Variants in LRRK2 observed in about 807,000 individuals in gnomAD.
The protein encoded by LRRK2 is leucine-rich repeat serine/threonine-protein kinase 2.
LRRK2 carries 203 observed loss-of-function variants against 302.6 expected under a neutral mutation model. The observed-to-expected ratio is 0.67, with a 90% confidence interval of 0.60 to 0.75. LRRK2 has a LOEUF of 0.75. Among genes scored for constraint, LRRK2 ranks in the 30% least tolerant of loss-of-function variants. The pLI is 0.00. For synonymous variants in LRRK2, 1,066 were observed against 1,031.9 expected, an observed-to-expected ratio of 1.03 and a Z score of -0.63; for missense variants, 2,830 against 2,951.0, an observed-to-expected ratio of 0.96 and a Z score of 0.95.
rs774734369 is a variant in LRRK2, at chr12:40,263,841, G to T, written c.1596G>T (p.Met532Ile). 2 of 1,613,022 alleles carry T rather than the reference G, an allele frequency of 1.2e-6. No homozygotes were observed. Among genetic ancestry groups the T allele is most frequent in the African/African-American group, 1.3e-5 (1 of 75,008 alleles). Residue 532 changes from methionine to isoleucine, a missense_variant, in exon 14 of 51, where the codon ATG becomes ATT. Around this residue, in one of 3 missense-constraint regions of LRRK2, gnomAD observed 2,121 missense variants for 2,148.0 expected, o/e 0.99. Transcript: ENST00000298910. ...EDTEFHHKLNMVKKQCFKNDI... is the reference protein window; with the variant it reads ...EDTEFHHKLNIVKKQCFKNDI... ...CAGAATTTCATCATAAGCTAAATAT[G>T]GTTAAAAAACAGTGTTTCAAGAATG... is the stretch of plus-strand genomic sequence containing the variant.
chr12:40,242,888 C>T (rs889172376), intron 6 of LRRK2, among the ~76,000 whole-genome samples: 7 of 138,702 alleles, frequency 5.0e-5, no homozygotes, highest in East Asian at 2.1e-4. Context: ...TCCAGGATGA[C>T]GATGATGATG....
rs1316993020 is a variant in LRRK2, at chr12:40,322,474, A to G, written c.5473A>G (p.Ile1825Val). 3 of 1,613,384 alleles carry G rather than the reference A, an allele frequency of 1.9e-6. No individual in the cohort carries two copies. Among genetic ancestry groups the G allele is most frequent in the South Asian group, 1.1e-5 (1 of 91,060 alleles). The change falls in exon 37 of 51, where the codon ATC becomes GTC. Residue 1825 changes from isoleucine to valine, a missense_variant. Ile to Val is a conservative substitution (Grantham distance 29). Around this residue, in one of 3 missense-constraint regions of LRRK2, gnomAD observed 2,121 missense variants for 2,148.0 expected, o/e 0.99. Coordinates refer to ENST00000298910, the MANE Select transcript of LRRK2 (RefSeq NM_198578.4). ...TAATGATGGTGAAGAACATCAAAAA[A>G]TCTTACTTGATGACTTGATGAAGAA... is the stretch of plus-strand genomic sequence containing the variant. ...SFNDGEEHQK[I>V]LLDDLMKKAE...
At chr12:40,321,255 GA>G in intron 35 of LRRK2, 67 bp downstream of exon 35, 3 of 1,436,054 alleles carry the variant, frequency 2.1e-6, no homozygotes, top group Non-Finnish European at 2.9e-6. Context: ...AATTTTTAGA[GA>G]AATTAGGGAG....
intron 14 of LRRK2, among the ~76,000 whole-genome samples, chr12:40,272,991 G>A (rs1300242179): frequency 6.6e-6 from 1 of 151,116 alleles, no homozygotes; most frequent in Non-Finnish European, 1.5e-5. Flanking sequence ...ACAGCGCTTA[G>A]CCCAAGGCCT....
In LRRK2 at chr12:40,312,321, G is replaced by A. The variant is rs7301966; in HGVS notation, c.4537-1651G>A. Reference sequence around the variant, plus strand: ...GAAAGAAAAGTATATATTGCTAATGGATGCAGCATTCTGGCATAATGGTTT... The same window carrying A: ...GAAAGAAAAGTATATATTGCTAATGAATGCAGCATTCTGGCATAATGGTTT... On this transcript the variant is annotated intron_variant, in intron 31 of 50. Transcript: ENST00000298910. Among the ~76,000 whole-genome samples, 258 of 152,258 alleles carry A rather than the reference G, an allele frequency of 1.7e-3. 2 individuals carry two copies. The highest frequency in any genetic ancestry group is 5.8e-3 in the African/African-American group (243 of 41,562).
At position 40,334,951 on chromosome 12, in the gene LRRK2, T is replaced by C; in HGVS notation, c.5758-16T>C. The C allele has an allele frequency of 1.2e-6, 2 of 1,613,278 alleles. No homozygotes were observed. Among genetic ancestry groups the C allele is most frequent in the Non-Finnish European group, 1.7e-6 (2 of 1,179,860 alleles). On this transcript the variant is annotated splice_polypyrimidine_tract_variant and intron_variant, in intron 39 of 50. Transcript: ENST00000298910. Reference sequence around the variant, plus strand: ...CTGATGTTGAATTACTCTTACATGATTTTGGACTTTTGCAGGAGCTTGTGG... The same window carrying C: ...CTGATGTTGAATTACTCTTACATGACTTTGGACTTTTGCAGGAGCTTGTGG...
chr12:40,334,204 A>G (rs1462877742), intron 39 of LRRK2, among the ~76,000 whole-genome samples: 1 of 152,226 alleles, frequency 6.6e-6, no homozygotes, highest in African/African-American at 2.4e-5. Flanking sequence ...ACTGTGGCTA[A>G]CCAGAATTCA....
chr12:40,320,205 A>G lies in LRRK2; in HGVS notation c.5015+30A>G, dbSNP rs199788990. The G allele has an allele frequency of 5.2e-6, 8 of 1,550,900 alleles. No homozygotes were observed. In the East Asian group the frequency reaches 1.1e-4, roughly 22 times the overall value. On this transcript the variant is annotated intron_variant, in intron 34 of 50. Transcript: ENST00000298910. The stretch of plus-strand genomic sequence containing the variant: ...AGAAAACCTTAAAAAATTAATTGCT[A>G]CATGGAAATTCACTATCTATTCTTT...
chr12:40,282,630 C>T (rs1487854729), intron 18 of LRRK2, among the ~76,000 whole-genome samples: 1 of 152,058 alleles, frequency 6.6e-6, no homozygotes, highest in African/African-American at 2.4e-5. Context: ...GGAGCAGCAG[C>T]GTTTTAGAAG....
intron 46 of LRRK2, among the ~76,000 whole-genome samples, chr12:40,358,006 A>G (rs541370853): frequency 6.6e-6 from 1 of 152,042 alleles, no homozygotes; most frequent in Admixed American, 6.5e-5. Flanking sequence ...GGGCTCAAGC[A>G]ATCCTCCTGC....
chr12:40,330,378 G>A (rs1348881445), intron 39 of LRRK2, among the ~76,000 whole-genome samples: 1 of 152,074 alleles, frequency 6.6e-6, no homozygotes, highest in Non-Finnish European at 1.5e-5. Context: ...TGTTGCTAAT[G>A]AAAAGTCTGC....
intron 48 of LRRK2, among the ~76,000 whole-genome samples, chr12:40,364,489 G>A (rs10878434): frequency 0.22 from 33,511 of 151,170 alleles, 3,795 homozygotes; most frequent in Middle Eastern, 0.37. Context: ...GTAACATTGA[G>A]ACTTCATGTA....
At chr12:40,240,245 T>C (rs1337355800) in intron 5 of LRRK2, among the ~76,000 whole-genome samples, 1 of 152,170 alleles carries the variant, frequency 6.6e-6, no homozygotes, top group African/African-American at 2.4e-5. Flanking sequence ...ACTAGCACTT[T>C]TACATTTCAA....
chr12:40,342,630 C>T (rs192421526), intron 41 of LRRK2, among the ~76,000 whole-genome samples: 1 of 152,294 alleles, frequency 6.6e-6, no homozygotes, highest in Admixed American at 6.5e-5. Context: ...GCTACTACTA[C>T]TACCATCACC....
At chr12:40,316,953 G>A (rs536218085) in intron 33 of LRRK2, among the ~76,000 whole-genome samples, 12 of 151,970 alleles carry the variant, frequency 7.9e-5, no homozygotes, top group Non-Finnish European at 1.6e-4. Context: ...TCTCTAAAGT[G>A]GTGTGTTTCC....
intron 14 of LRRK2, among the ~76,000 whole-genome samples, chr12:40,268,288 C>A (rs1393659251): frequency 2.0e-5 from 3 of 152,132 alleles, no homozygotes; most frequent in Admixed American, 2.0e-4. Context: ...TAAAACCAGT[C>A]TTCTGATGAA....
chr12:40,249,893 C>T lies in LRRK2; in HGVS notation c.906C>T (p.Tyr302=). 6.2e-7 allele frequency: 1 copy of T among 1,613,824 alleles called. No homozygotes were observed. The highest frequency in any genetic ancestry group is 8.5e-7 in the Non-Finnish European group (1 of 1,179,834). The change falls in exon 8 of 51, where the codon TAC becomes TAT. Residue 302 remains tyrosine, a synonymous_variant. Coordinates refer to ENST00000298910, the MANE Select transcript of LRRK2 (RefSeq NM_198578.4). The stretch of plus-strand genomic sequence containing the variant: ...TTGTGGTGAAAGCTGTGCAGCAGTA[C>T]CCAGAGAATGCAGCATTGCAGATCT... ...HEFVVKAVQQ[Y]PENAALQISA... is the part of the protein sequence containing the mutation.
chr12:40,319,396 G>A (rs776082055), intron 33 of LRRK2, among the ~76,000 whole-genome samples: 24 of 151,988 alleles, frequency 1.6e-4, no homozygotes, highest in Non-Finnish European at 2.1e-4. Flanking sequence ...AAAGCTCAAA[G>A]TGTGATCTCT....
At chr12:40,352,608 G>GCCTT (rs1565774032) in intron 44 of LRRK2, among the ~76,000 whole-genome samples, 1 of 150,932 alleles carries the variant, frequency 6.6e-6, no homozygotes, top group Admixed American at 6.6e-5. Flanking sequence ...GGACCCTGCG[G>GCCTT]CCTTCCGTAG....
Sources: allele counts gnomAD v4.1 joint callset (sites outside exome capture counted in the v4.1 genomes callset), GRCh38; gene constraint gnomAD v4.1.1; regional missense constraint gnomAD v4.1.1; transcripts MANE v1.5; gene names NCBI Gene and HGNC (gene_info 2026-07-23, HGNC 2026-07-21).